PARM1: variants seen among roughly 807,000 people sequenced by gnomAD.
PARM1 encodes the protein WSC4, cell wall integrity and stress response component 4 homolog.
A neutral mutation model predicts 24.6 loss-of-function variants in PARM1; 14 were observed. The ratio of observed to expected loss-of-function variants is 0.57; its 90% CI spans 0.38 to 0.89. The LOEUF is 0.89. PARM1 is among the 40% of genes least tolerant of loss of function. The pLI, the probability that PARM1 is intolerant of heterozygous loss-of-function variation, is 0.00. For missense variants in PARM1, 362 were observed against 380.4 expected (o/e 0.95, Z 0.40); for synonymous variants, 179 against 156.6 (o/e 1.14, Z -1.07).
chr4:75,012,106 G>A (rs1487209075), intron 1 of PARM1, among the ~76,000 whole-genome samples: 1 of 152,144 alleles, frequency 6.6e-6, no homozygotes, highest in Non-Finnish European at 1.5e-5. Context: ...CAATTCTCCA[G>A]GGGGTCTTAC....
At chr4:75,021,599 C>T (rs1315940423) in intron 2 of PARM1, among the ~76,000 whole-genome samples, 1 of 150,528 alleles carries the variant, frequency 6.6e-6, no homozygotes, top group Non-Finnish European at 1.5e-5. Flanking sequence ...TTTTTTTATC[C>T]TCACCCTCCT....
chr4:74,993,120 G>T (rs1460093046), intron 1 of PARM1, among the ~76,000 whole-genome samples: 1 of 152,088 alleles, frequency 6.6e-6, no homozygotes, highest in Non-Finnish European at 1.5e-5. Context: ...CTGAGATTAG[G>T]TTATAAAAGA....
At chr4:75,014,987 A>G (rs190547949) in intron 2 of PARM1, among the ~76,000 whole-genome samples, 2 of 152,240 alleles carry the variant, frequency 1.3e-5, no homozygotes, top group African/African-American at 4.8e-5. Flanking sequence ...CAAAGGGATC[A>G]TCAAAATACA....
At chr4:75,007,569 A>G (rs1412766595) in intron 1 of PARM1, among the ~76,000 whole-genome samples, 4 of 152,144 alleles carry the variant, frequency 2.6e-5, no homozygotes, top group Admixed American at 2.6e-4. Context: ...CTCACTCATT[A>G]TTTAGGCCCT....
chr4:74,977,101 AG>A (rs1282678601), intron 1 of PARM1, among the ~76,000 whole-genome samples: 1 of 152,238 alleles, frequency 6.6e-6, no homozygotes, highest in Admixed American at 6.5e-5. Flanking sequence ...AACTGGGCTG[AG>A]GCTGACATGG....
chr4:74,992,099 G>A (rs775312074), intron 1 of PARM1, among the ~76,000 whole-genome samples: 6 of 152,114 alleles, frequency 3.9e-5, no homozygotes, highest in Non-Finnish European at 8.8e-5. Flanking sequence ...TGTAGGAAGG[G>A]ATGTGGAGTT....
At chr4:74,968,514 G>A (rs1242792141) in intron 1 of PARM1, among the ~76,000 whole-genome samples, 2 of 152,066 alleles carry the variant, frequency 1.3e-5, no homozygotes, top group African/African-American at 4.8e-5. Flanking sequence ...GTCACACCCT[G>A]GTTATTTGTC....
At chr4:74,984,703 T>C (rs1029504222) in intron 1 of PARM1, among the ~76,000 whole-genome samples, 6 of 152,258 alleles carry the variant, frequency 3.9e-5, no homozygotes, top group Non-Finnish European at 8.8e-5. Flanking sequence ...TAGCGTAGAC[T>C]GTTTTAAGTG....
intron 1 of PARM1, among the ~76,000 whole-genome samples, chr4:75,006,712 C>T (rs1026404170): frequency 1.1e-4 from 16 of 152,142 alleles, no homozygotes; most frequent in Admixed American, 7.2e-4. Flanking sequence ...CTTGAGGAAT[C>T]GCCACACTGT....
chr4:75,037,289 A>C (rs1370817711), intron 3 of PARM1, among the ~76,000 whole-genome samples: 1 of 152,214 alleles, frequency 6.6e-6, no homozygotes, highest in Non-Finnish European at 1.5e-5. Flanking sequence ...ATCACAACCC[A>C]TAGGGAGCCA....
intron 1 of PARM1, among the ~76,000 whole-genome samples, chr4:74,990,757 T>G (rs1392463864): frequency 6.6e-6 from 1 of 152,084 alleles, no homozygotes; most frequent in Non-Finnish European, 1.5e-5. Context: ...TGGCAAAATT[T>G]TTCACTTGAG....
intron 1 of PARM1, among the ~76,000 whole-genome samples, chr4:74,987,438 A>T (rs1722378702): frequency 6.6e-6 from 1 of 152,250 alleles, no homozygotes; most frequent in Non-Finnish European, 1.5e-5. Flanking sequence ...TATAAATGGT[A>T]GAACATCTTA....
Position 75,012,962 on chromosome 4 carries a change from A to T in PARM1, c.581A>T (p.Glu194Val), listed in dbSNP as rs751716961. The change falls in exon 2 of 4, where the codon GAG becomes GTG. Residue 194 changes from glutamate to valine, a missense_variant. Physicochemically the swap from Glu to Val is moderately radical, Grantham distance 121 (BLOSUM62 -2). Transcript: ENST00000307428. Reference sequence around the variant, plus strand: ...CCCACTGGAGCTCCAACTGCACCAGAGTCCCCGACAGAGGAGTCCAGCTCT... The same window carrying T: ...CCCACTGGAGCTCCAACTGCACCAGTGTCCCCGACAGAGGAGTCCAGCTCT... ...TQPTGAPTAP[E>V]SPTEESSSDH... is the part of the protein sequence containing the mutation. The T allele has an allele frequency of 5.0e-6, 8 of 1,613,854 alleles. No individual in the cohort carries two copies. The Admixed American group carries it at 1.3e-4, about 27-fold the overall frequency.
chr4:74,939,476 A>C (rs1317428985), intron 1 of PARM1, among the ~76,000 whole-genome samples: 1 of 152,026 alleles, frequency 6.6e-6, no homozygotes, highest in Non-Finnish European at 1.5e-5. Flanking sequence ...GGTAGCAATG[A>C]TCTTGCTATA....
chr4:74,985,138 C>G (rs1401258009), intron 1 of PARM1, among the ~76,000 whole-genome samples: 1 of 152,220 alleles, frequency 6.6e-6, no homozygotes, highest in Admixed American at 6.5e-5. Context: ...TCTGCCATTA[C>G]ATCCCACATA....
At chr4:75,020,771 T>A (rs1213404483) in intron 2 of PARM1, among the ~76,000 whole-genome samples, 1 of 152,124 alleles carries the variant, frequency 6.6e-6, no homozygotes, top group East Asian at 1.9e-4. Context: ...CCTCTTGACT[T>A]AGGGCCTTGA....
chr4:75,034,021 C>A (rs375751757), intron 3 of PARM1, 60 bp downstream of exon 3: 2 of 1,347,974 alleles, frequency 1.5e-6, no homozygotes, highest in Non-Finnish European at 1.0e-6. Flanking sequence ...CTGGGCTGAG[C>A]GCTGTTTTGC....
At chr4:75,025,428 C>T (rs1354859233) in intron 2 of PARM1, among the ~76,000 whole-genome samples, 1 of 152,210 alleles carries the variant, frequency 6.6e-6, no homozygotes, top group Non-Finnish European at 1.5e-5. Flanking sequence ...GTATAGTTCA[C>T]ATTACAGGTG....
At chr4:74,936,456 T>TTTCG (rs1560768652) in intron 1 of PARM1, among the ~76,000 whole-genome samples, 1 of 144,478 alleles carries the variant, frequency 6.9e-6, no homozygotes, top group East Asian at 2.0e-4. Context: ...TTTGTTTGTT[T>TTTCG]TTTTGTTTTT....
Sources: allele counts gnomAD v4.1 joint callset (sites outside exome capture counted in the v4.1 genomes callset), GRCh38; gene constraint gnomAD v4.1.1; transcripts MANE v1.5; gene names NCBI Gene and HGNC (gene_info 2026-07-23, HGNC 2026-07-21).